ORC4: variants seen among roughly 807,000 people sequenced by gnomAD.
The protein encoded by ORC4 is origin recognition complex subunit 4.
A neutral mutation model predicts 63.9 loss-of-function variants in ORC4; 55 were observed. That is an observed-to-expected ratio of 0.86 (90% CI 0.69 to 1.08). The LOEUF (loss-of-function observed/expected upper bound fraction) is 1.08, where lower values mean the gene tolerates loss of function less well. Among genes scored for constraint, ORC4 ranks in the 50% least tolerant of loss-of-function variants. ORC4 has a pLI of 0.00. For missense variants in ORC4, 511 were observed against 504.4 expected (o/e 1.01, Z -0.13); for synonymous variants, 150 against 168.5 (o/e 0.89, Z 0.85).
intron 4 of ORC4, among the ~76,000 whole-genome samples, chr2:147,962,975 C>A (rs1206630398): frequency 1.3e-5 from 2 of 152,068 alleles, no homozygotes; most frequent in Non-Finnish European, 2.9e-5. Context: ...GGTGAATACA[C>A]CTCCCACAGG....
chr2:147,945,512 T>C (rs1688610052), intron 9 of ORC4, among the ~76,000 whole-genome samples: 1 of 152,086 alleles, frequency 6.6e-6, no homozygotes, highest in South Asian at 2.1e-4. Flanking sequence ...AACAACCACA[T>C]AAGCTACAGT....
intron 6 of ORC4, 64 bp downstream of exon 6, chr2:147,958,234 T>C (rs1689373240): frequency 2.0e-6 from 2 of 1,009,404 alleles, no homozygotes; most frequent in Middle Eastern, 2.7e-4. Context: ...AATATAAAAA[T>C]ATACATGGTA....
intron 6 of ORC4, among the ~76,000 whole-genome samples, chr2:147,955,641 T>TA (rs1689204992): frequency 6.6e-6 from 1 of 152,044 alleles, no homozygotes; most frequent in African/African-American, 2.4e-5. Context: ...AACTTGAGGA[T>TA]AAAACGGTCA....
chr2:147,945,631 T>C (rs561918656), intron 9 of ORC4, among the ~76,000 whole-genome samples: 19 of 152,244 alleles, frequency 1.2e-4, no homozygotes, highest in Admixed American at 1.2e-3. Flanking sequence ...TTTGCTTATT[T>C]GACTCATTTG....
chr2:148,017,059 A>C (rs915815629), intron 1 of ORC4, among the ~76,000 whole-genome samples: 10 of 152,216 alleles, frequency 6.6e-5, no homozygotes, highest in African/African-American at 2.4e-4. Flanking sequence ...GCTAAAGTAA[A>C]AGTTAAAAGA....
chr2:147,961,928 TA>T (rs1689617539), intron 4 of ORC4, among the ~76,000 whole-genome samples: 1 of 152,148 alleles, frequency 6.6e-6, no homozygotes, highest in Non-Finnish European at 1.5e-5. Flanking sequence ...AGTTCAGATT[TA>T]AAATATTAAG....
At chr2:147,982,759 T>C (rs1385507521) in intron 1 of ORC4, among the ~76,000 whole-genome samples, 1 of 152,184 alleles carries the variant, frequency 6.6e-6, no homozygotes, top group Non-Finnish European at 1.5e-5. Context: ...ATATCTACTA[T>C]ATAATAAAGA....
intron 1 of ORC4, among the ~76,000 whole-genome samples, chr2:147,991,051 T>TG (rs899219281): frequency 4.2e-5 from 1 of 23,756 alleles, no homozygotes; most frequent in African/African-American, 2.1e-4. Flanking sequence ...CATATATATC[T>TG]TTTTTTTTTT....
At chr2:147,936,801 A>T (rs564566784) in intron 13 of ORC4, 7 of 152,174 alleles carry the variant, frequency 4.6e-5, no homozygotes, top group Non-Finnish European at 1.0e-4. Context: ...TGGGCGGATC[A>T]TGAGGTCAGG....
chr2:147,952,708 A>C (rs938961990), intron 7 of ORC4, among the ~76,000 whole-genome samples, 184 bp from the exon 8 acceptor site: 1 of 152,174 alleles, frequency 6.6e-6, no homozygotes, highest in Non-Finnish European at 1.5e-5. Flanking sequence ...TTCAAAGGAC[A>C]AACACAGCCC....
intron 1 of ORC4, among the ~76,000 whole-genome samples, chr2:147,994,815 AG>A (rs1691839472): frequency 6.6e-6 from 1 of 152,248 alleles, no homozygotes. Context: ...ACCTGAGGTC[AG>A]GAGTTCGAAA....
At chr2:147,956,840 A>T (rs528615721) in intron 6 of ORC4, among the ~76,000 whole-genome samples, 1 of 151,896 alleles carries the variant, frequency 6.6e-6, no homozygotes. Flanking sequence ...ACCAATATGA[A>T]TATGTAACAT....
intron 4 of ORC4, among the ~76,000 whole-genome samples, chr2:147,967,550 C>CA (rs1483466218): frequency 1.3e-5 from 2 of 150,052 alleles, no homozygotes; most frequent in Non-Finnish European, 3.0e-5. Flanking sequence ...TAAGAGCTAC[C>CA]AAAAAAACGT....
At chr2:147,944,661 T>C (rs73964124) in intron 9 of ORC4, among the ~76,000 whole-genome samples, 1,675 of 150,556 alleles carry the variant, frequency 0.011, 39 homozygotes, top group African/African-American at 0.038. Context: ...TTGTCATAAT[T>C]TTTCAAAAAT....
At chr2:148,010,360 A>G (rs924951671) in intron 1 of ORC4, among the ~76,000 whole-genome samples, 4 of 152,058 alleles carry the variant, frequency 2.6e-5, no homozygotes, top group East Asian at 1.9e-4. Flanking sequence ...AAATAATAAA[A>G]AACAGAAATA....
At chr2:147,945,253 CA>C (rs1464128120) in intron 9 of ORC4, among the ~76,000 whole-genome samples, 1 of 152,026 alleles carries the variant, frequency 6.6e-6, no homozygotes. Context: ...CATGATGCTT[CA>C]AAGGTTAATC....
chr2:147,954,742 A>C (rs1237567779), intron 7 of ORC4, among the ~76,000 whole-genome samples: 1 of 152,208 alleles, frequency 6.6e-6, no homozygotes, highest in Non-Finnish European at 1.5e-5. Flanking sequence ...TATTCAAATT[A>C]AACTAAGAGC....
At chr2:147,947,283 G>A (rs1688712730) in intron 9 of ORC4, among the ~76,000 whole-genome samples, 1 of 151,832 alleles carries the variant, frequency 6.6e-6, no homozygotes, top group Non-Finnish European at 1.5e-5. Context: ...CTCTCACGAG[G>A]CCAATATTTT....
Position 147,931,041 on chromosome 2 carries a change from A to G in ORC4, c.*4469T>C, listed in dbSNP as rs202195763. On this transcript the variant is annotated 3_prime_UTR_variant, in exon 14 of 14. Coordinates refer to ENST00000392857, the MANE Select transcript of ORC4 (RefSeq NM_181741.4). ...CCCACAACAGTCCCCAGAGTGTGAT[A>G]TTCCCCTTCCTGTGTCCATGTGATC... 1.1e-4 allele frequency: 15 copies of G among 139,828 alleles called. No homozygotes were observed. Among genetic ancestry groups the G allele is most frequent in the African/African-American group, 3.8e-4 (14 of 37,152 alleles). The allele number at this position is 139,828 out of a possible 1,614,324, so 8.7% of individuals were successfully genotyped here. A position where few individuals can be genotyped will look rare whatever the true frequency, so the allele number is the denominator to read the frequency against.
Sources: gnomAD v4.1 joint callset for allele counts (sites outside exome capture counted in the v4.1 genomes callset) on GRCh38, gnomAD v4.1.1 for gene constraint, MANE v1.5 for transcripts, NCBI Gene and HGNC (gene_info 2026-07-23, HGNC 2026-07-21) for gene names.